The following CELF2 variants were observed in gnomAD, a reference collection of about 807,000 sequenced individuals.
CELF2 encodes the protein CUG triplet repeat RNA-binding protein 2.
A neutral mutation model predicts 62.6 loss-of-function variants in CELF2; 8 were observed. The ratio of observed to expected loss-of-function variants is 0.13; its 90% CI spans 0.07 to 0.23. The LOEUF (loss-of-function observed/expected upper bound fraction) is 0.23, where lower values mean the gene tolerates loss of function less well. CELF2 is among the 10% of genes least tolerant of loss of function. The pLI is 1.00. For missense variants in CELF2, 333 were observed against 671.0 expected (o/e 0.50, Z 5.56); for synonymous variants, 258 against 250.0 (o/e 1.03, Z -0.30).
intron 1 of CELF2, among the ~76,000 whole-genome samples, chr10:10,865,737 A>G (rs986922428): frequency 6.6e-6 from 1 of 152,132 alleles, no homozygotes; most frequent in African/African-American, 2.4e-5. Flanking sequence ...CTGTTGTGCT[A>G]TTCATCCATT....
At chr10:10,620,450 CA>C in the CELF2 span, among the ~76,000 whole-genome samples, 9,148 of 88,102 alleles carry the variant, frequency 0.1, 194 homozygotes, top group African/African-American at 0.18. Context: ...GGCTCAGTCT[CA>C]AAAAAAAAAA....
chr10:10,563,151 G>A, the CELF2 span, among the ~76,000 whole-genome samples: 2 of 152,076 alleles, frequency 1.3e-5, no homozygotes, highest in African/African-American at 4.8e-5. Context: ...AAGCCATCTG[G>A]GGAGAAAGAA....
intron 5 of CELF2, among the ~76,000 whole-genome samples, chr10:11,262,710 G>A (rs548395830): frequency 2.0e-5 from 3 of 152,304 alleles, no homozygotes; most frequent in African/African-American, 7.2e-5. Context: ...GATAGCGTAT[G>A]TTTAACGTTG....
At chr10:10,699,792 T>C in the CELF2 span, among the ~76,000 whole-genome samples, 29 of 152,350 alleles carry the variant, frequency 1.9e-4, no homozygotes, top group African/African-American at 6.7e-4. Flanking sequence ...GCCATGAAAC[T>C]ACTTCTGGCT....
chr10:11,327,367 T>C (rs1015198301), intron 12 of CELF2, among the ~76,000 whole-genome samples: 1 of 152,166 alleles, frequency 6.6e-6, no homozygotes, highest in African/African-American at 2.4e-5. Context: ...GAAAACAGAT[T>C]GTTTATCAGC....
In CELF2 at chr10:10,983,995, CAT is replaced by C. The variant is rs1384015172; in HGVS notation, c.89+63997_89+63998del. Among the ~76,000 whole-genome samples, 4 of 152,328 alleles carry C rather than the reference CAT, an allele frequency of 2.6e-5. No homozygotes were observed. The highest frequency in any genetic ancestry group is 2.1e-4 in the South Asian group (1 of 4,828). ...TGCGAATGGAAGACTTATAACCACA[CAT>C]GTGAATCTGCCGATTTTTTTAAAGA... On this transcript the variant is annotated intron_variant, in intron 2 of 13. Coordinates refer to the CELF2 transcript ENST00000636488. The surrounding 1 kb of genome is among the most constrained non-coding windows in gnomAD (Gnocchi z 5.2).
chr10:11,002,205 GA>G (rs1228870271), upstream of CELF2, among the ~76,000 whole-genome samples: 1 of 152,138 alleles, frequency 6.6e-6, no homozygotes, highest in East Asian at 1.9e-4. The surrounding 1 kb of genome is among the most constrained non-coding windows in gnomAD (Gnocchi z 4.4). Context: ...AGTGAAAAAG[GA>G]AATCCCTTAT....
chr10:10,957,115 A>G lies in CELF2; in HGVS notation c.89+37116A>G, dbSNP rs560820570. Among the ~76,000 whole-genome samples, 13 of 152,222 alleles carry G rather than the reference A, an allele frequency of 8.5e-5. No individual in the cohort carries two copies. Among genetic ancestry groups the G allele is most frequent in the Admixed American group, 2.0e-4 (3 of 15,298 alleles). On this transcript the variant is annotated intron_variant, in intron 2 of 13. Transcript: ENST00000636488. The surrounding 1 kb of genome is among the most constrained non-coding windows in gnomAD (Gnocchi z 4.1). Reference sequence around the variant, plus strand: ...ACAAGGGAGCTCTGGAAGTATTTAGAGGCAGCCACCTTCTCCTCTAATCCT... The same window carrying G: ...ACAAGGGAGCTCTGGAAGTATTTAGGGGCAGCCACCTTCTCCTCTAATCCT...
the CELF2 span, among the ~76,000 whole-genome samples, chr10:10,490,909 C>T: frequency 1.3e-5 from 2 of 152,114 alleles, no homozygotes; most frequent in Non-Finnish European, 2.9e-5. Context: ...TATTTCACCT[C>T]CAAAAGATGT....
rs1317009138 is a variant in CELF2, at chr10:11,039,293, G to A, written c.74+21130G>A. 6.6e-6 allele frequency among the ~76,000 whole-genome samples: 1 copy of A among 152,216 alleles called. No homozygotes were observed. Among genetic ancestry groups the A allele is most frequent in the East Asian group, 1.9e-4 (1 of 5,196 alleles). On this transcript the variant is annotated intron_variant, in intron 1 of 12. Coordinates refer to ENST00000633077, the MANE Select transcript of CELF2 (RefSeq NM_001326342.2). This position sits in a 1 kb window ranked among gnomAD's most constrained non-coding sequence, Gnocchi z 4.1. ...GAATGCACTTTGCTGGTGCTGAGATGAACTGGGCCAATTCTCATGGGGCAC... is the reference window on the plus strand; with the variant it reads ...GAATGCACTTTGCTGGTGCTGAGATAAACTGGGCCAATTCTCATGGGGCAC...
intron 1 of CELF2, among the ~76,000 whole-genome samples, chr10:11,089,938 C>G (rs951513686): frequency 1.3e-5 from 2 of 152,058 alleles, no homozygotes; most frequent in African/African-American, 4.8e-5. Context: ...AACCAAATAC[C>G]ACATGTTGTC....
intron 12 of CELF2, among the ~76,000 whole-genome samples, chr10:11,326,757 C>T (rs1251100411): frequency 6.6e-6 from 1 of 152,214 alleles, no homozygotes; most frequent in East Asian, 1.9e-4. Flanking sequence ...TATTACTTGG[C>T]AAGCTCAGGG....
At chr10:10,564,239 AATGGTTTCC>A in the CELF2 span, among the ~76,000 whole-genome samples, 1 of 152,146 alleles carries the variant, frequency 6.6e-6, no homozygotes, top group Admixed American at 6.5e-5. Context: ...ATTCGATGAC[AATGGTTTCC>A]ATGGCAATTA....
At chr10:10,630,644 A>G in the CELF2 span, among the ~76,000 whole-genome samples, 2 of 152,232 alleles carry the variant, frequency 1.3e-5, no homozygotes, top group Non-Finnish European at 2.9e-5. Context: ...TTGGACAAGC[A>G]TAAACATAGA....
the CELF2 span, among the ~76,000 whole-genome samples, chr10:10,697,490 T>C: frequency 6.6e-6 from 1 of 152,118 alleles, no homozygotes; most frequent in Non-Finnish European, 1.5e-5. Context: ...TTCGGGCTGC[T>C]CTAACAAAAT....
At chr10:10,564,093 T>C in the CELF2 span, among the ~76,000 whole-genome samples, 1 of 152,226 alleles carries the variant, frequency 6.6e-6, no homozygotes, top group Non-Finnish European at 1.5e-5. Context: ...CTCTCTCCCA[T>C]CCTTTGCTCG....
chr10:10,671,585 C>T, the CELF2 span, among the ~76,000 whole-genome samples: 1 of 152,200 alleles, frequency 6.6e-6, no homozygotes, highest in African/African-American at 2.4e-5. Flanking sequence ...CTCACATCCT[C>T]ACCAGCATTT....
At chr10:10,951,785 A>G (rs1239104178) in intron 2 of CELF2, 5 of 152,326 alleles carry the variant, frequency 3.3e-5, no homozygotes, top group Admixed American at 3.3e-4. Flanking sequence ...CTATCCACCT[A>G]CACAACCCAC....
intron 1 of CELF2, among the ~76,000 whole-genome samples, chr10:11,050,183 A>G (rs1040703542): frequency 6.6e-6 from 1 of 152,242 alleles, no homozygotes; most frequent in Non-Finnish European, 1.5e-5. Context: ...AATGAGCCAC[A>G]GAAAATGTGG....
Sources: gnomAD v4.1 joint callset for allele counts (sites outside exome capture counted in the v4.1 genomes callset) on GRCh38, gnomAD v4.1.1 for gene constraint, Gnocchi (gnomAD v3.1) non-coding constraint, MANE v1.5 for transcripts, NCBI Gene and HGNC (gene_info 2026-07-23, HGNC 2026-07-21) for gene names.